The following ACTN2 variants were observed in gnomAD, a reference collection of about 807,000 sequenced individuals.
The protein encoded by ACTN2 is alpha-actinin-2.
Under a neutral mutation model 113.8 loss-of-function variants are expected in ACTN2, and 39 were observed. That is an observed-to-expected ratio of 0.34 (90% CI 0.27 to 0.45). The LOEUF (loss-of-function observed/expected upper bound fraction) is 0.45. Among genes scored for constraint, ACTN2 ranks in the 20% least tolerant of loss-of-function variants. The probability of loss-of-function intolerance (pLI) is 1.00; values close to 1 mark genes in which losing one functional copy is unlikely to be tolerated. For synonymous variants in ACTN2, 429 were observed against 444.1 expected, an observed-to-expected ratio of 0.97 and a Z score of 0.43; for missense variants, 992 against 1,177.9, an observed-to-expected ratio of 0.84 and a Z score of 2.31.
chr1:236,751,704 G>A (rs1438465447), intron 15 of ACTN2, 52 bp downstream of exon 15: 2 of 1,608,184 alleles, frequency 1.2e-6, no homozygotes, highest in Non-Finnish European at 8.5e-7. Context: ...TGAAGCTGAC[G>A]TCGAAGGAGG....
Position 236,743,040 on chromosome 1 carries a change from TATGGTAAGTAG to T in ACTN2, c.1254_1255+9del. On this transcript the variant is annotated splice_donor_variant and splice_donor_5th_base_variant and coding_sequence_variant and intron_variant, in exon 11 of 21. Coordinates refer to ENST00000366578, the MANE Select transcript of ACTN2 (RefSeq NM_001103.4). LOFTEE classifies it high-confidence loss of function. ...GGCCTCAACGCACGAGACTTGGGCT[TATGGTAAGTAG>T]ACAGGAGTCAGATTGGATTTTTGAA... 1 of 1,614,118 alleles carries T rather than the reference TATGGTAAGTAG, an allele frequency of 6.2e-7. No homozygotes were observed. The highest frequency in any genetic ancestry group is 8.5e-7 in the Non-Finnish European group (1 of 1,180,010).
At chr1:236,687,761 CG>C (rs1179545474) in intron 1 of ACTN2, among the ~76,000 whole-genome samples, 1 of 152,138 alleles carries the variant, frequency 6.6e-6, no homozygotes, top group East Asian at 1.9e-4. Context: ...GCTGATTGTG[CG>C]ATAGTATTTG....
chr1:236,719,029 G>A lies in ACTN2; in HGVS notation c.361+16G>A, dbSNP rs1208439912. 1.2e-6 allele frequency: 2 copies of A among 1,613,648 alleles called. No homozygotes were observed. The highest frequency in any genetic ancestry group is 1.7e-6 in the Non-Finnish European group (2 of 1,179,884). On this transcript the variant is annotated intron_variant, in intron 3 of 20. Coordinates refer to ENST00000366578, the MANE Select transcript of ACTN2 (RefSeq NM_001103.4). ...GGCGCTGAAGGTGAGAGGTGTGGTG[G>A]GTGGTCCTGTCTGCCACACTGACCT...
chr1:236,688,195 A>T (rs113500777), intron 1 of ACTN2, among the ~76,000 whole-genome samples: 7,732 of 151,892 alleles, frequency 0.051, 270 homozygotes, highest in Admixed American at 0.11. Flanking sequence ...GTTTTTTTTT[A>T]AAAGAATTTC....
intron 8 of ACTN2, 78 bp from the exon 9 acceptor site, chr1:236,737,044 C>T: frequency 1.6e-6 from 2 of 1,254,230 alleles, no homozygotes; most frequent in Non-Finnish European, 2.3e-6. Context: ...CGTCCCCTCT[C>T]ATCACCCACC....
intron 9 of ACTN2, among the ~76,000 whole-genome samples, chr1:236,737,758 G>A (rs1466576055): frequency 6.6e-6 from 1 of 152,166 alleles, no homozygotes; most frequent in Non-Finnish European, 1.5e-5. Context: ...ATGAGTTTCT[G>A]TGGTGCCTTT....
chr1:236,704,558 G>A (rs993086792), intron 1 of ACTN2, among the ~76,000 whole-genome samples: 9 of 152,116 alleles, frequency 5.9e-5, no homozygotes, highest in Admixed American at 2.0e-4. Flanking sequence ...ATGCCTCTTT[G>A]GGTTTGATCA....
At chr1:236,758,252 G>C (rs996104563) in intron 18 of ACTN2, among the ~76,000 whole-genome samples, 1 of 151,282 alleles carries the variant, frequency 6.6e-6, no homozygotes, top group Non-Finnish European at 1.5e-5. Context: ...CCTGTGGCTG[G>C]AAGTGAGTGA....
intron 9 of ACTN2, among the ~76,000 whole-genome samples, chr1:236,738,584 C>T (rs759873203): frequency 6.6e-6 from 1 of 152,210 alleles, no homozygotes; most frequent in Non-Finnish European, 1.5e-5. Context: ...AACCCTTAGA[C>T]TCTAGGTATA....
chr1:236,709,775 T>C (rs1364612554), intron 1 of ACTN2, among the ~76,000 whole-genome samples: 2 of 152,240 alleles, frequency 1.3e-5, no homozygotes, highest in Non-Finnish European at 2.9e-5. Flanking sequence ...CCCTGAGTTT[T>C]CTGCTGTGCC....
At position 236,747,759 on chromosome 1, in the gene ACTN2, G is replaced by A; in HGVS notation, c.1499G>A (p.Arg500Lys). ...CGACTGGGAACGCTTACTCAGAAGA[G>A]GAGAGAAGCCCTAGAGGTGAAGTAT... ...WDRLGTLTQK[R>K]REALERMEKL... Residue 500 changes from arginine to lysine, a missense_variant, in exon 13 of 21, where the codon AGG becomes AAG. This residue lies in a region of ACTN2 where 736 missense variants were observed against 815.4 expected (regional missense o/e 0.90). Coordinates refer to ENST00000366578, the MANE Select transcript of ACTN2 (RefSeq NM_001103.4). 1 of 1,613,884 alleles carries A rather than the reference G, an allele frequency of 6.2e-7. No homozygotes were observed. The highest frequency in any genetic ancestry group is 8.5e-7 in the Non-Finnish European group (1 of 1,179,790).
At position 236,753,958 on chromosome 1, in the gene ACTN2, C is replaced by T. The variant is rs752499285; in HGVS notation, c.1851C>T (p.Leu617=). The T allele has an allele frequency of 5.0e-6, 8 of 1,604,510 alleles. No homozygotes were observed. Among genetic ancestry groups the T allele is most frequent in the South Asian group, 3.3e-5 (3 of 90,974 alleles). ...LRTKWDKVKQ[L]VPIRDQSLQE... ...TTGGGCCCTGACAGGTGAAGCAACT[C>T]GTGCCCATCCGCGATCAATCCCTGC... The change falls in exon 16 of 21, where the codon CTC becomes CTT. Residue 617 remains leucine (L), a synonymous_variant. Transcript: ENST00000366578.
chr1:236,737,342 G>A lies in ACTN2; in HGVS notation c.876+128G>A, dbSNP rs539401177. The A allele has an allele frequency of 3.3e-5, 7 of 211,632 alleles. No individual in the cohort carries two copies. In the East Asian group the frequency reaches 5.0e-4, roughly 15 times the overall value. The allele number at this position is 211,632 out of a possible 1,614,324, so 13.1% of individuals were successfully genotyped here. A position where few individuals can be genotyped will look rare whatever the true frequency, so the allele number is the denominator to read the frequency against. On this transcript the variant is annotated intron_variant, in intron 9 of 20. Transcript: ENST00000366578. Reference sequence around the variant, plus strand: ...ATTTTGCATTTTTCATCTCAGATAGGATGAAAGTAGGAAAATACACTTGAT... The same window carrying A: ...ATTTTGCATTTTTCATCTCAGATAGAATGAAAGTAGGAAAATACACTTGAT...
At chr1:236,701,936 A>AG in intron 1 of ACTN2, among the ~76,000 whole-genome samples, 2 of 152,306 alleles carry the variant, frequency 1.3e-5, no homozygotes, top group East Asian at 3.9e-4. Context: ...AGAACTTGGT[A>AG]GGGAAGCAGG....
chr1:236,738,621 A>T (rs1276268167), intron 9 of ACTN2, among the ~76,000 whole-genome samples: 1 of 152,160 alleles, frequency 6.6e-6, no homozygotes, highest in Non-Finnish European at 1.5e-5. Flanking sequence ...TTTTCATTCG[A>T]ATCTGCTGTC....
At chr1:236,717,046 G>T (rs1309663825) in intron 1 of ACTN2, among the ~76,000 whole-genome samples, 1 of 134,266 alleles carries the variant, frequency 7.4e-6, no homozygotes, top group Non-Finnish European at 1.6e-5. Context: ...TGTTGGTCAG[G>T]CTGGTCTCGA....
intron 1 of ACTN2, among the ~76,000 whole-genome samples, chr1:236,705,087 A>T (rs1657786240): frequency 6.6e-6 from 1 of 152,198 alleles, no homozygotes; most frequent in Non-Finnish European, 1.5e-5. Flanking sequence ...CTCCAGGGAA[A>T]GCCTGCTCCT....
chr1:236,749,326 G>C, intron 14 of ACTN2, 62 bp downstream of exon 14: 1 of 1,603,432 alleles, frequency 6.2e-7, no homozygotes, highest in Non-Finnish European at 8.5e-7. Flanking sequence ...TTAAACTTAA[G>C]AGTCCTGTTA....
At chr1:236,691,307 A>G (rs1388292074) in intron 1 of ACTN2, among the ~76,000 whole-genome samples, 1 of 151,902 alleles carries the variant, frequency 6.6e-6, no homozygotes, top group Non-Finnish European at 1.5e-5. Flanking sequence ...TTGTTTAATA[A>G]TAAGTGCATA....
Sources: allele counts gnomAD v4.1 joint callset (sites outside exome capture counted in the v4.1 genomes callset), GRCh38; gene constraint gnomAD v4.1.1; regional missense constraint gnomAD v4.1.1; transcripts MANE v1.5; gene names NCBI Gene and HGNC (gene_info 2026-07-23, HGNC 2026-07-21).